OPCML: variants seen among roughly 807,000 people sequenced by gnomAD.
OPCML encodes opioid binding protein/cell adhesion molecule like, also known as opioid-binding protein/cell adhesion molecule.
In OPCML, 13 loss-of-function variants were observed where a neutral mutation model predicts 37.8. The ratio of observed to expected loss-of-function variants is 0.34; its 90% CI spans 0.22 to 0.55. OPCML has a LOEUF of 0.55. OPCML is among the 20% of genes least tolerant of loss of function. The pLI is 0.91. For synonymous variants in OPCML, 176 were observed against 168.8 expected, an observed-to-expected ratio of 1.04 and a Z score of -0.33; for missense variants, 341 against 435.6, an observed-to-expected ratio of 0.78 and a Z score of 1.93.
intron 1 of OPCML, among the ~76,000 whole-genome samples, chr11:133,290,088 A>G (rs61912377): frequency 0.64 from 96,901 of 152,060 alleles, 32,165 homozygotes; most frequent in East Asian, 0.83. Flanking sequence ...CTCAAATTCC[A>G]CAGTGACAAA....
chr11:132,614,352 G>T (rs1480385191), intron 3 of OPCML, among the ~76,000 whole-genome samples: 1 of 152,078 alleles, frequency 6.6e-6, no homozygotes, highest in African/African-American at 2.4e-5. Flanking sequence ...TAAATTCAAA[G>T]AATTCTGAGT....
intron 1 of OPCML, among the ~76,000 whole-genome samples, chr11:133,402,358 T>A (rs544246071): frequency 6.6e-6 from 1 of 152,300 alleles, no homozygotes; most frequent in Non-Finnish European, 1.5e-5. Context: ...GTCCTACCTC[T>A]CAACATTGTT....
At chr11:133,375,362 C>G (rs1944779920) in intron 1 of OPCML, among the ~76,000 whole-genome samples, 1 of 152,236 alleles carries the variant, frequency 6.6e-6, no homozygotes, top group African/African-American at 2.4e-5. Flanking sequence ...CCATGCCTTG[C>G]AGACCACGTG....
chr11:132,627,409 G>A (rs1939814820), intron 3 of OPCML, among the ~76,000 whole-genome samples: 6 of 152,204 alleles, frequency 3.9e-5, no homozygotes, highest in Admixed American at 3.9e-4. Flanking sequence ...GATATATTGA[G>A]CATTTTCTAT....
intron 4 of OPCML, among the ~76,000 whole-genome samples, chr11:132,511,432 AT>A (rs1377031174): frequency 6.6e-6 from 1 of 152,128 alleles, no homozygotes; most frequent in African/African-American, 2.4e-5. Flanking sequence ...TTATAAAATT[AT>A]ATGAAAATAC....
At chr11:132,936,902 A>T (rs1038167164) in intron 2 of OPCML, among the ~76,000 whole-genome samples, 6 of 152,186 alleles carry the variant, frequency 3.9e-5, no homozygotes, top group Non-Finnish European at 7.3e-5. Flanking sequence ...GGCAAACAAT[A>T]AACAAACAGA....
chr11:133,409,353 GTAA>G (rs902440635), intron 1 of OPCML, among the ~76,000 whole-genome samples: 1 of 152,160 alleles, frequency 6.6e-6, no homozygotes, highest in African/African-American at 2.4e-5. Context: ...GACAGAGGAA[GTAA>G]TAATGTGGTT....
At chr11:132,680,698 A>T (rs1373584840) in intron 2 of OPCML, among the ~76,000 whole-genome samples, 1 of 152,218 alleles carries the variant, frequency 6.6e-6, no homozygotes, top group Non-Finnish European at 1.5e-5. Flanking sequence ...AACGATACAG[A>T]TAACACTGTG....
chr11:132,948,134 G>A (rs559610458), intron 1 of OPCML, among the ~76,000 whole-genome samples: 61 of 152,272 alleles, frequency 4.0e-4, no homozygotes, highest in Middle Eastern at 3.4e-3. Flanking sequence ...GAAATGTACC[G>A]GGCATGTTTT....
chr11:133,185,212 A>T (rs1029907760), intron 1 of OPCML, among the ~76,000 whole-genome samples: 1 of 152,228 alleles, frequency 6.6e-6, no homozygotes, highest in Non-Finnish European at 1.5e-5. Flanking sequence ...GCAAGAACTG[A>T]CACCCATAAT....
In OPCML at chr11:133,202,970, A is replaced by G. The variant is rs544493251; in HGVS notation, c.62-259960T>C. Among the ~76,000 whole-genome samples the G allele has an allele frequency of 2.0e-5, 3 of 152,350 alleles. No homozygotes were observed. In the South Asian group the frequency reaches 6.2e-4, roughly 32 times the overall value. On this transcript the variant is annotated intron_variant, in intron 1 of 7. Coordinates refer to ENST00000524381, the MANE Select transcript of OPCML (RefSeq NM_001012393.5). ...ACTTGTTTAGTATCTTCTGTGTGTC[A>G]GGGCCGAGCACGTGACCTGAATGAG...
At chr11:133,207,603 C>T (rs1287202107) in intron 1 of OPCML, among the ~76,000 whole-genome samples, 1 of 152,172 alleles carries the variant, frequency 6.6e-6, no homozygotes, top group East Asian at 1.9e-4. Context: ...GTTAGCAGAA[C>T]TAGATGACTT....
At chr11:133,343,029 GT>G (rs1943911479) in intron 1 of OPCML, among the ~76,000 whole-genome samples, 2 of 152,150 alleles carry the variant, frequency 1.3e-5, no homozygotes, top group Admixed American at 1.3e-4. Context: ...TAGAGATGGA[GT>G]TTCACCCAGG....
At chr11:133,038,279 G>T (rs1305655570) in intron 1 of OPCML, among the ~76,000 whole-genome samples, 1 of 152,112 alleles carries the variant, frequency 6.6e-6, no homozygotes, top group Non-Finnish European at 1.5e-5. Flanking sequence ...TGTCTCTCTG[G>T]GGCTGCTTAT....
chr11:132,842,692 A>G (rs935932245), intron 2 of OPCML, among the ~76,000 whole-genome samples: 3 of 152,188 alleles, frequency 2.0e-5, no homozygotes, highest in Non-Finnish European at 2.9e-5. Context: ...CACCATACCC[A>G]TTCAAGGATT....
At chr11:132,779,983 C>G (rs1946946086) in intron 2 of OPCML, among the ~76,000 whole-genome samples, 1 of 152,182 alleles carries the variant, frequency 6.6e-6, no homozygotes, top group African/African-American at 2.4e-5. Flanking sequence ...TATTTAGGAG[C>G]TGCTGCTCTG....
At chr11:132,569,184 A>G (rs750099965) in intron 3 of OPCML, among the ~76,000 whole-genome samples, 1 of 152,228 alleles carries the variant, frequency 6.6e-6, no homozygotes, top group African/African-American at 2.4e-5. Flanking sequence ...ATTTGAAGGT[A>G]ACATCTATAA....
At chr11:132,499,204 T>C (rs2096240613) in intron 4 of OPCML, among the ~76,000 whole-genome samples, 2 of 152,192 alleles carry the variant, frequency 1.3e-5, no homozygotes, top group African/African-American at 2.4e-5. Flanking sequence ...AAAGGGTCCC[T>C]CTGCCAGCCC....
chr11:132,482,135 G>GT (rs1253348599), intron 4 of OPCML, among the ~76,000 whole-genome samples: 7 of 149,516 alleles, frequency 4.7e-5, no homozygotes, highest in African/African-American at 1.7e-4. Flanking sequence ...CCAGGAGCTG[G>GT]TTTTTTGAAA....
Sources: gnomAD v4.1 joint callset for allele counts (sites outside exome capture counted in the v4.1 genomes callset) on GRCh38, gnomAD v4.1.1 for gene constraint, MANE v1.5 for transcripts, NCBI Gene and HGNC (gene_info 2026-07-23, HGNC 2026-07-21) for gene names.